PPIE: variants seen among roughly 807,000 people sequenced by gnomAD.
PPIE encodes the protein peptidylprolyl isomerase E, also known as peptidyl-prolyl cis-trans isomerase E.
A neutral mutation model predicts 38.4 loss-of-function variants in PPIE; 20 were observed. The ratio of observed to expected loss-of-function variants is 0.52; its 90% CI spans 0.37 to 0.76. The LOEUF is 0.76. Ranked by LOEUF, PPIE falls within the 30% of genes least tolerant of loss-of-function variation. The pLI is 0.00. For missense variants in PPIE, 322 were observed against 385.8 expected (o/e 0.83, Z 1.39); for synonymous variants, 142 against 135.7 (o/e 1.05, Z -0.32).
intron 5 of PPIE, 66 bp from the exon 6 acceptor site, chr1:39,743,758 A>T: frequency 7.4e-7 from 1 of 1,350,012 alleles, no homozygotes; most frequent in Non-Finnish European, 1.0e-6. Context: ...TTTGCTGACC[A>T]AAGCAGCTAC....
chr1:39,741,482 C>T, intron 3 of PPIE, 73 bp downstream of exon 3: 16 of 1,545,462 alleles, frequency 1.0e-5, no homozygotes, highest in Non-Finnish European at 1.4e-5. Flanking sequence ...AAGCTTTTCA[C>T]CATTTGGTTA....
chr1:39,751,843 G>A (rs1413452039), intron 8 of PPIE, among the ~76,000 whole-genome samples: 3 of 152,124 alleles, frequency 2.0e-5, no homozygotes, highest in African/African-American at 7.2e-5. Context: ...CCAACACTTT[G>A]GGAGTCTGAA....
At chr1:39,741,105 G>A (rs1028287288) in intron 2 of PPIE, among the ~76,000 whole-genome samples, 1 of 152,068 alleles carries the variant, frequency 6.6e-6, no homozygotes, top group Non-Finnish European at 1.5e-5. Flanking sequence ...TTTTAAGTTT[G>A]GCTTTCGTAG....
chr1:39,745,845 C>A (rs6658277), intron 7 of PPIE: 19,909 of 181,244 alleles, frequency 0.11, 1,215 homozygotes, highest in Middle Eastern at 0.24. Context: ...CTAGAAGTAA[C>A]TAGTGCTTTT....
intron 5 of PPIE, 41 bp from the exon 6 acceptor site, chr1:39,743,783 T>C: frequency 3.9e-6 from 6 of 1,548,314 alleles, no homozygotes; most frequent in Non-Finnish European, 4.5e-6. Context: ...CAGTTCAAGC[T>C]GACAGCTTGA....
At chr1:39,760,012 G>C (rs1648721444), downstream of PPIE, 1 of 232,764 alleles carries the variant, frequency 4.3e-6, no homozygotes, top group Non-Finnish European at 8.6e-6. Context: ...GGATGGTGAA[G>C]AGCTCAAGGT....
In PPIE at chr1:39,741,892, C is replaced by A. The variant is rs1647067286; in HGVS notation, c.175-3C>A. ...AACTTGTACCTTTGTCTTTCCTTGG[C>A]AGGATGCTGCAGCAGCTATCGACAA... On this transcript the variant is annotated splice_polypyrimidine_tract_variant and splice_region_variant and intron_variant, in intron 3 of 9. Coordinates refer to ENST00000324379, the MANE Select transcript of PPIE (RefSeq NM_006112.4). 6.2e-7 allele frequency: 1 copy of A among 1,614,080 alleles called. No individual in the cohort carries two copies. The highest frequency in any genetic ancestry group is 1.3e-5 in the African/African-American group (1 of 74,938).
At chr1:39,750,372 C>T (rs1473352991) in intron 8 of PPIE, among the ~76,000 whole-genome samples, 1 of 152,148 alleles carries the variant, frequency 6.6e-6, no homozygotes, top group African/African-American at 2.4e-5. Context: ...CATCTTATCC[C>T]ACCTCCCAGA....
rs945291222 is a variant in PPIE, at chr1:39,754,798, C to T, written c.*1443C>T. Among the ~76,000 whole-genome samples, 6 of 152,156 alleles carry T rather than the reference C, an allele frequency of 3.9e-5. No individual in the cohort carries two copies. The highest frequency in any genetic ancestry group is 1.4e-4 in the African/African-American group (6 of 41,442). Reference sequence around the variant, plus strand: ...GCTTGAACCTGGGAGGTTGAGGCTGCAGTCAGCCATGGTCATGCCACTGTA... The same window carrying T: ...GCTTGAACCTGGGAGGTTGAGGCTGTAGTCAGCCATGGTCATGCCACTGTA... On this transcript the variant is annotated 3_prime_UTR_variant, in exon 10 of 10. Transcript: ENST00000324379.
Position 39,754,332 on chromosome 1 carries a change from T to C in PPIE, c.*977T>C, listed in dbSNP as rs369207806. 1.4e-4 allele frequency among the ~76,000 whole-genome samples: 22 copies of C among 152,188 alleles called. No individual in the cohort carries two copies. The highest frequency in any genetic ancestry group is 5.3e-4 in the African/African-American group (22 of 41,448). On this transcript the variant is annotated 3_prime_UTR_variant, in exon 10 of 10. Coordinates refer to ENST00000324379, the MANE Select transcript of PPIE (RefSeq NM_006112.4). Reference sequence around the variant, plus strand: ...TAGAAAGAGATTTATTTTAAGGAACTGGCTCAAGCAGTGGTAGGAGCTGGC... The same window carrying C: ...TAGAAAGAGATTTATTTTAAGGAACCGGCTCAAGCAGTGGTAGGAGCTGGC...
downstream of PPIE, chr1:39,760,374 G>A (rs12094291): frequency 0.35 from 569,279 of 1,608,368 alleles, 103,097 homozygotes; most frequent in South Asian, 0.39. Flanking sequence ...TGAGGGGCCC[G>A]ATCCAGATGA....
chr1:39,745,895 TTC>T (rs1471551821), intron 7 of PPIE: 1 of 161,794 alleles, frequency 6.2e-6, no homozygotes, highest in Admixed American at 5.9e-5. Context: ...TTGACTTCTA[TTC>T]TCTTTTTAAT....
In PPIE at chr1:39,753,273, A is replaced by G. The variant is rs767926851; in HGVS notation, c.838-14A>G. On this transcript the variant is annotated splice_polypyrimidine_tract_variant and intron_variant, in intron 9 of 9. Transcript: ENST00000324379. ...TCTCCGGCCTTACTCCCTCACTTCT[A>G]TTCTGCCACAAAGGCCCAGGGCAGC... 1.3e-5 allele frequency: 21 copies of G among 1,613,840 alleles called. No homozygotes were observed. The highest frequency in any genetic ancestry group is 1.6e-4 in the Middle Eastern group (1 of 6,062).
At position 39,749,063 on chromosome 1, in the gene PPIE, C is replaced by G; in HGVS notation, c.669C>G (p.Asn223Lys). 1 of 1,608,610 alleles carries G rather than the reference C, an allele frequency of 6.2e-7. No individual in the cohort carries two copies. The highest frequency in any genetic ancestry group is 8.5e-7 in the Non-Finnish European group (1 of 1,177,934). The change falls in exon 8 of 10, where the codon AAC becomes AAG. Residue 223 changes from asparagine (N) to lysine (K), a missense_variant. Physicochemically the swap from Asn to Lys is moderately conservative, Grantham distance 94. Transcript: ENST00000324379. ...SIYGKKFDDE[N>K]FILKHTGPGL... The stretch of plus-strand genomic sequence containing the variant: ...ATGGGAAGAAGTTCGATGATGAAAA[C>G]TTTATCCTCAAGCATACGGGACCAG...
chr1:39,763,213 AG>A (rs1649263226), intron 9 of PPIE: 4 of 1,603,552 alleles, frequency 2.5e-6, no homozygotes, highest in Middle Eastern at 1.9e-4. Flanking sequence ...CTGGGGGGCA[AG>A]GGAGAAGGTG....
At chr1:39,741,619 T>G (rs1310058083) in intron 3 of PPIE, 8 of 636,414 alleles carry the variant, frequency 1.3e-5, no homozygotes, top group Middle Eastern at 2.9e-4. Flanking sequence ...CCTCCCATTC[T>G]TGCCCTGCAG....
chr1:39,748,841 T>C, intron 7 of PPIE, 62 bp from the exon 8 acceptor site: 6 of 1,505,164 alleles, frequency 4.0e-6, no homozygotes, highest in East Asian at 4.5e-5. Flanking sequence ...CCAAAGTTTT[T>C]TCGAGGTTTT....
chr1:39,752,289 T>C (rs1289368421), intron 8 of PPIE, among the ~76,000 whole-genome samples: 1 of 152,146 alleles, frequency 6.6e-6, no homozygotes, highest in Admixed American at 6.5e-5. Flanking sequence ...TGCCTGCCTG[T>C]TGTCTTCACT....
At chr1:39,740,078 C>A (rs1647019995) in intron 1 of PPIE, 87 bp from the exon 2 acceptor site, 1 of 981,744 alleles carries the variant, frequency 1.0e-6, no homozygotes, top group Non-Finnish European at 1.6e-6. Flanking sequence ...AGGGTCCTGT[C>A]CCCTGGCTAG....
Sources: gnomAD v4.1 joint callset for allele counts (sites outside exome capture counted in the v4.1 genomes callset) on GRCh38, gnomAD v4.1.1 for gene constraint, MANE v1.5 for transcripts, NCBI Gene and HGNC (gene_info 2026-07-23, HGNC 2026-07-21) for gene names.